Variants in RRN3 observed in about 807,000 individuals in gnomAD.
RRN3 encodes RNA polymerase I-specific transcription initiation factor RRN3.
RRN3 carries 38 observed loss-of-function variants against 82.3 expected under a neutral mutation model. The observed-to-expected ratio is 0.46, with a 90% CI of 0.36 to 0.61. The LOEUF is 0.61. RRN3 is among the 20% of genes least tolerant of loss of function. The pLI is 0.00. For synonymous variants in RRN3, 284 were observed against 284.3 expected (o/e 1.00, Z 0.01); for missense variants, 726 against 793.1 (o/e 0.92, Z 1.02).
At position 15,094,226 on chromosome 16, in the gene RRN3, G is replaced by A. The variant is rs777476706; in HGVS notation, c.8C>T (p.Ala3Val). 6 of 1,588,186 alleles carry A rather than the reference G, an allele frequency of 3.8e-6. No individual in the cohort carries two copies. The highest frequency in any genetic ancestry group is 2.3e-5 in the East Asian group (1 of 43,864). ...CGGCAAACGCGTGTGAAGCAGCGGT[G>A]CCGCCATTGGGCCGAACTAACGCGA... MAAPLLHTRLPGD... is the reference protein window; with the variant it reads MAVPLLHTRLPGD... The change falls in exon 1 of 18, where the codon GCA (alanine) becomes GTA (valine). Residue 3 changes from alanine to valine, a missense_variant. Ala to Val is a moderately conservative substitution (Grantham distance 64). Transcript: ENST00000198767.
chr16:15,073,045 G>A lies in RRN3; in HGVS notation c.1033C>T (p.Arg345Cys), dbSNP rs745423001. Residue 345 changes from arginine to cysteine, a missense_variant, in exon 12 of 18, where the codon CGC becomes TGC. Transcript: ENST00000198767. Reference sequence around the variant, plus strand: ...TTGTCAAAGATGTTTATCAGGTCGCGATATAGATCCTTTGTTTTGCCGTTA... The same window carrying A: ...TTGTCAAAGATGTTTATCAGGTCGCAATATAGATCCTTTGTTTTGCCGTTA... ...VDNGKTKDLY[R>C]DLINIFDKLL... 52 of 1,612,384 alleles carry A rather than the reference G, an allele frequency of 3.2e-5. No individual in the cohort carries two copies. Among genetic ancestry groups the A allele is most frequent in the Admixed American group, 5.0e-5 (3 of 59,534 alleles).
intron 16 of RRN3, among the ~76,000 whole-genome samples, chr16:15,063,499 G>T (rs922514372): frequency 6.6e-6 from 1 of 151,982 alleles, no homozygotes; most frequent in African/African-American, 2.4e-5. Flanking sequence ...ATGAGGTCAG[G>T]AGATCGAGAC....
At chr16:15,087,797 T>A (rs1367312326) in intron 3 of RRN3, among the ~76,000 whole-genome samples, 1 of 152,220 alleles carries the variant, frequency 6.6e-6, no homozygotes, top group Non-Finnish European at 1.5e-5. Flanking sequence ...ACTATAAGGA[T>A]AACATTTAAA....
chr16:15,079,933 C>T (rs1368246994), intron 9 of RRN3, 65 bp downstream of exon 9: 2 of 1,460,112 alleles, frequency 1.4e-6, no homozygotes, highest in Admixed American at 4.6e-5. Context: ...ATTGTTTCCA[C>T]ATACTGTGAT....
chr16:15,083,152 G>C (rs1597970020), intron 8 of RRN3, among the ~76,000 whole-genome samples: 1 of 152,202 alleles, frequency 6.6e-6, no homozygotes, highest in East Asian at 1.9e-4. Context: ...ACTAATCCCA[G>C]CACTTTGGGA....
chr16:15,071,965 C>T (rs557503936), intron 12 of RRN3, among the ~76,000 whole-genome samples: 56 of 152,240 alleles, frequency 3.7e-4, no homozygotes, highest in African/African-American at 1.3e-3. Context: ...AAGCACCTTC[C>T]GGTCTCTGGA....
chr16:15,079,067 C>A (rs573835078), intron 9 of RRN3, among the ~76,000 whole-genome samples: 37 of 152,264 alleles, frequency 2.4e-4, no homozygotes, highest in Admixed American at 5.9e-4. Flanking sequence ...GCCTCGGCCT[C>A]CCAAAGTGCT....
At chr16:15,090,085 C>T (rs1172959730) in intron 3 of RRN3, among the ~76,000 whole-genome samples, 3 of 149,896 alleles carry the variant, frequency 2.0e-5, no homozygotes, top group African/African-American at 7.4e-5. Context: ...TGGCGGGTGC[C>T]TGTAATCTCA....
intron 1 of RRN3, 96 bp downstream of exon 1, chr16:15,094,049 C>G: frequency 9.0e-7 from 1 of 1,112,930 alleles, no homozygotes. Context: ...CTATCACACG[C>G]CATGAGCTTT....
intron 1 of RRN3, among the ~76,000 whole-genome samples, chr16:15,093,667 A>G (rs1377585037): frequency 6.6e-6 from 1 of 152,270 alleles, no homozygotes; most frequent in Non-Finnish European, 1.5e-5. Context: ...TTAAACGCCA[A>G]GAGTGCTACG....
chr16:15,080,165 C>G, intron 8 of RRN3, 69 bp from the exon 9 acceptor site: 1 of 1,499,418 alleles, frequency 6.7e-7, no homozygotes, highest in Non-Finnish European at 8.9e-7. Flanking sequence ...GTAAGCAAAA[C>G]ATCAATTACA....
At chr16:15,078,556 A>G (rs2045559685) in intron 9 of RRN3, among the ~76,000 whole-genome samples, 1 of 152,198 alleles carries the variant, frequency 6.6e-6, no homozygotes, top group Non-Finnish European at 1.5e-5. Flanking sequence ...AAAAAATGAC[A>G]GCAGTATCTG....
intron 3 of RRN3, among the ~76,000 whole-genome samples, chr16:15,090,145 G>A (rs558059758): frequency 6.6e-6 from 1 of 152,044 alleles, no homozygotes; most frequent in East Asian, 1.9e-4. Context: ...AGGAGGCAAA[G>A]GTTGCAGTGA....
Position 15,074,808 on chromosome 16 carries a change from G to GA in RRN3, c.911_912insT (p.Gln305ProfsTer30). On this transcript the variant is annotated frameshift_variant, in exon 11 of 18. Coordinates refer to ENST00000198767, the MANE Select transcript of RRN3 (RefSeq NM_018427.5). LOFTEE classifies it high-confidence loss of function. ...GCTCGGCTACAGGATGCACCATCTGGTCGAGCCGTTCAGGACCAGCCTTTG... is the reference window on the plus strand; with the variant it reads ...GCTCGGCTACAGGATGCACCATCTGGATCGAGCCGTTCAGGACCAGCCTTTG... 1 of 1,613,988 alleles carries GA rather than the reference G, an allele frequency of 6.2e-7. No homozygotes were observed. Among genetic ancestry groups the GA allele is most frequent in the Non-Finnish European group, 8.5e-7 (1 of 1,179,998 alleles).
In RRN3 at chr16:15,068,236, T is replaced by A; in HGVS notation, c.1486A>T (p.Met496Leu). ...LQSLNFERIV[M>L]SQLNPLKICL... ...ATCTTCAGGGGATTTAGCTGGCTCA[T>A]CACTATCCGCTCAAAATTCAGACTC... The change falls in exon 15 of 18, where the codon ATG becomes TTG. Residue 496 changes from methionine to leucine, a missense_variant. Physicochemically the swap from Met to Leu is conservative, Grantham distance 15. Around this residue, in one of 4 missense-constraint regions of RRN3, gnomAD observed 81 missense variants for 156.4 expected, o/e 0.52. Coordinates refer to ENST00000198767, the MANE Select transcript of RRN3 (RefSeq NM_018427.5). 1 of 1,586,156 alleles carries A rather than the reference T, an allele frequency of 6.3e-7. No individual in the cohort carries two copies. The highest frequency in any genetic ancestry group is 2.3e-5 in the East Asian group (1 of 44,036).
In RRN3 at chr16:15,093,883, C is replaced by T. The variant is rs540990921; in HGVS notation, c.89+262G>A. 1.9e-5 allele frequency: 10 copies of T among 517,044 alleles called. 1 individual carries two copies. The highest frequency in any genetic ancestry group is 1.6e-4 in the South Asian group (6 of 38,660). 32.0% of individuals were successfully genotyped at this position (517,044 alleles called of 1,614,324 possible). On this transcript the variant is annotated intron_variant, in intron 1 of 17. Coordinates refer to ENST00000198767, the MANE Select transcript of RRN3 (RefSeq NM_018427.5). ...AGGGGTCAAGGCGCAGAAGGCAGTA[C>T]CCAGGCCTGGGAAATCACGAAGAGA... is the stretch of plus-strand genomic sequence containing the variant.
chr16:15,094,279 C>G (rs1437159422), upstream of RRN3: 12 of 1,434,282 alleles, frequency 8.4e-6, no homozygotes, highest in Non-Finnish European at 1.1e-5. Context: ...GGATGCCCAG[C>G]TCCTTCCAGC....
chr16:15,069,086 T>C (rs1359385812), intron 14 of RRN3, among the ~76,000 whole-genome samples: 1 of 152,142 alleles, frequency 6.6e-6, no homozygotes, highest in Admixed American at 6.5e-5. Flanking sequence ...TTTAGAAGCA[T>C]GTAGGATGTA....
At chr16:15,075,482 G>C (rs752070698) in intron 10 of RRN3, among the ~76,000 whole-genome samples, 8 of 151,540 alleles carry the variant, frequency 5.3e-5, no homozygotes, top group Non-Finnish European at 1.2e-4. Context: ...GAGGTGGGCA[G>C]ATCACTTGGG....
Sources: allele counts gnomAD v4.1 joint callset (sites outside exome capture counted in the v4.1 genomes callset), GRCh38; gene constraint gnomAD v4.1.1; regional missense constraint gnomAD v4.1.1; transcripts MANE v1.5; gene names NCBI Gene and HGNC (gene_info 2026-07-23, HGNC 2026-07-21).